VEGFC: variants seen among roughly 807,000 people sequenced by gnomAD.
VEGFC encodes the protein vascular endothelial growth factor C.
VEGFC carries 12 observed loss-of-function variants against 46.1 expected under a neutral mutation model. That is an observed-to-expected ratio of 0.26 (90% confidence interval 0.17 to 0.42). The LOEUF (loss-of-function observed/expected upper bound fraction) is 0.42, where lower values mean the gene tolerates loss of function less well. Ranked by LOEUF, VEGFC falls within the 10% of genes least tolerant of loss-of-function variation. The pLI is 1.00. For synonymous variants in VEGFC, 232 were observed against 195.5 expected, an observed-to-expected ratio of 1.19 and a Z score of -1.56; for missense variants, 488 against 529.4, an observed-to-expected ratio of 0.92 and a Z score of 0.77.
At chr4:176,752,781 A>AG (rs920924778) in intron 1 of VEGFC, among the ~76,000 whole-genome samples, 1 of 152,048 alleles carries the variant, frequency 6.6e-6, no homozygotes, top group African/African-American at 2.4e-5. Flanking sequence ...TAATAAAATC[A>AG]GGGGGGCTAT....
chr4:176,709,608 G>A (rs1734588473), intron 4 of VEGFC, among the ~76,000 whole-genome samples: 1 of 152,162 alleles, frequency 6.6e-6, no homozygotes, highest in Admixed American at 6.6e-5. Context: ...ACAAGATACA[G>A]AGCAGGAAAT....
chr4:176,698,510 T>C (rs926830003), intron 4 of VEGFC, among the ~76,000 whole-genome samples: 2 of 152,174 alleles, frequency 1.3e-5, no homozygotes, highest in African/African-American at 2.4e-5. Flanking sequence ...AAGTGATGTT[T>C]TGGTATATGT....
chr4:176,711,738 G>C lies in VEGFC; in HGVS notation c.553-88C>G, dbSNP rs534942500. Reference sequence around the variant, plus strand: ...AATATTGGAGTCCGAAAAAGAGTGAGATTAGCTCTATATAAGTAGCTGCCT... The same window carrying C: ...AATATTGGAGTCCGAAAAAGAGTGACATTAGCTCTATATAAGTAGCTGCCT... On this transcript the variant is annotated intron_variant, in intron 3 of 6. Coordinates refer to ENST00000618562, the MANE Select transcript of VEGFC (RefSeq NM_005429.5). The C allele has an allele frequency of 1.7e-5, 23 of 1,362,588 alleles. No individual in the cohort carries two copies. In the African/African-American group the frequency reaches 2.8e-4, roughly 16 times the overall value. 84.4% of individuals were successfully genotyped at this position (1,362,588 alleles called of 1,614,324 possible). A position where few individuals can be genotyped will look rare whatever the true frequency, so the allele number is the denominator to read the frequency against.
chr4:176,692,785 C>G (rs1271676163), intron 4 of VEGFC, among the ~76,000 whole-genome samples: 1 of 147,226 alleles, frequency 6.8e-6, no homozygotes, highest in Non-Finnish European at 1.5e-5. Flanking sequence ...GATCTGAGAA[C>G]GGGCAGACTG....
chr4:176,739,689 C>T (rs1358776191), intron 1 of VEGFC, among the ~76,000 whole-genome samples: 1 of 151,524 alleles, frequency 6.6e-6, no homozygotes, highest in Non-Finnish European at 1.5e-5. Context: ...CAGCAAACCA[C>T]CATGGCACAC....
intron 4 of VEGFC, among the ~76,000 whole-genome samples, chr4:176,696,304 AT>A: frequency 6.6e-6 from 1 of 152,212 alleles, no homozygotes. Flanking sequence ...TACAAAATCA[AT>A]GTACAAAAAT....
At chr4:176,688,774 T>C (rs1360790083) in intron 4 of VEGFC, among the ~76,000 whole-genome samples, 1 of 152,206 alleles carries the variant, frequency 6.6e-6, no homozygotes, top group Non-Finnish European at 1.5e-5. Context: ...CCACGTGACA[T>C]GAGCCCTCTC....
intron 1 of VEGFC, among the ~76,000 whole-genome samples, chr4:176,768,491 C>CATACATATATATATATATATATATAT (rs1553996841): frequency 2.0e-5 from 2 of 100,564 alleles, no homozygotes; most frequent in South Asian, 5.0e-4. Flanking sequence ...ATGTTTTATA[C>CATACATATATATATATATATATATAT]ATATATATAT....
intron 1 of VEGFC, among the ~76,000 whole-genome samples, chr4:176,760,789 G>A (rs1370767713): frequency 1.3e-5 from 2 of 152,046 alleles, no homozygotes; most frequent in Non-Finnish European, 2.9e-5. Flanking sequence ...ATAATATGCT[G>A]ACTCCAAAAC....
intron 1 of VEGFC, among the ~76,000 whole-genome samples, chr4:176,747,208 A>G (rs866610541): frequency 5.3e-5 from 8 of 152,096 alleles, no homozygotes; most frequent in South Asian, 2.1e-4. Flanking sequence ...GCACTTAAAC[A>G]CTAATCAAGA....
At chr4:176,717,284 G>GA (rs976706591) in intron 3 of VEGFC, among the ~76,000 whole-genome samples, 34 of 150,134 alleles carry the variant, frequency 2.3e-4, no homozygotes, top group African/African-American at 6.1e-4. Context: ...GTTGGAAACT[G>GA]AAAAAAAAAT....
intron 3 of VEGFC, among the ~76,000 whole-genome samples, 194 bp downstream of exon 3, chr4:176,727,580 CAATT>C (rs1734892493): frequency 6.6e-6 from 1 of 152,092 alleles, no homozygotes; most frequent in Non-Finnish European, 1.5e-5. Context: ...AATAAAGCAT[CAATT>C]ACTTTCTTTG....
chr4:176,739,003 C>A (rs1045980152), intron 1 of VEGFC, among the ~76,000 whole-genome samples: 2 of 150,308 alleles, frequency 1.3e-5, no homozygotes, highest in African/African-American at 4.9e-5. Flanking sequence ...AATGGTATTT[C>A]TGCCTCTCAA....
chr4:176,685,648 C>T (rs1734026144), intron 6 of VEGFC, among the ~76,000 whole-genome samples: 2 of 151,832 alleles, frequency 1.3e-5, no homozygotes, highest in African/African-American at 4.8e-5. Flanking sequence ...CAATATAAAA[C>T]ATAGTTTAAT....
At chr4:176,766,710 G>T (rs1032210911) in intron 1 of VEGFC, among the ~76,000 whole-genome samples, 1 of 152,002 alleles carries the variant, frequency 6.6e-6, no homozygotes, top group Admixed American at 6.6e-5. Context: ...ACCGTATAGA[G>T]ACATGATTTA....
chr4:176,695,305 C>A (rs1309963004), intron 4 of VEGFC, among the ~76,000 whole-genome samples: 1 of 149,664 alleles, frequency 6.7e-6, no homozygotes, highest in Non-Finnish European at 1.5e-5. Context: ...ATATCACCAC[C>A]GATCCCACAG....
intron 3 of VEGFC, among the ~76,000 whole-genome samples, chr4:176,721,051 C>G (rs1734778323): frequency 6.6e-6 from 1 of 151,852 alleles, no homozygotes; most frequent in East Asian, 1.9e-4. Flanking sequence ...GGAGATGTTT[C>G]AAACACAGAG....
chr4:176,745,076 A>C (rs1038356216), intron 1 of VEGFC, among the ~76,000 whole-genome samples: 4 of 152,014 alleles, frequency 2.6e-5, no homozygotes, highest in African/African-American at 9.7e-5. Flanking sequence ...TAACTGACCA[A>C]GGTTTCAAGG....
intron 3 of VEGFC, among the ~76,000 whole-genome samples, chr4:176,711,939 C>A (rs1356812628): frequency 6.6e-6 from 1 of 151,896 alleles, no homozygotes; most frequent in East Asian, 1.9e-4. Context: ...CGTGACAGAA[C>A]AATGTGTTCA....
Sources: allele counts gnomAD v4.1 joint callset (sites outside exome capture counted in the v4.1 genomes callset), GRCh38; gene constraint gnomAD v4.1.1; transcripts MANE v1.5; gene names NCBI Gene and HGNC (gene_info 2026-07-23, HGNC 2026-07-21).